OLFM1: variants seen among roughly 807,000 people sequenced by gnomAD.
OLFM1 encodes noelin.
Under a neutral mutation model 49.7 loss-of-function variants are expected in OLFM1, and 9 were observed. The ratio of observed to expected loss-of-function variants is 0.18; its 90% CI spans 0.11 to 0.32. OLFM1 has a LOEUF of 0.32. OLFM1 is among the 10% of genes least tolerant of loss of function. OLFM1 has a pLI of 1.00. For synonymous variants in OLFM1, 240 were observed against 271.8 expected (o/e 0.88, Z 1.15); for missense variants, 369 against 661.8 (o/e 0.56, Z 4.85).
chr9:135,098,066 A>T lies in OLFM1; in HGVS notation c.457-220A>T. On this transcript the variant is annotated intron_variant, in intron 3 of 5. Transcript: ENST00000371793. This position sits in a 1 kb window ranked among gnomAD's most constrained non-coding sequence, Gnocchi z 5.6. ...GTGACTCAAAGCATGTAACCTTAAG[A>T]TGTTGCATTCTAAACTGACAATAAA... is the stretch of plus-strand genomic sequence containing the variant. 2.8e-6 allele frequency: 4 copies of T among 1,429,426 alleles called. No homozygotes were observed. The highest frequency in any genetic ancestry group is 3.6e-6 in the Non-Finnish European group (4 of 1,099,418). 88.5% of individuals were successfully genotyped at this position (1,429,426 alleles called of 1,614,324 possible). A position where few individuals can be genotyped will look rare whatever the true frequency, so the allele number is the denominator to read the frequency against.
chr9:135,087,152 T>C (rs1367542138), upstream of OLFM1: 1 of 1,247,138 alleles, frequency 8.0e-7, no homozygotes, highest in Non-Finnish European at 1.1e-6. Flanking sequence ...TCTCCACCGA[T>C]GCCCCGACGC....
chr9:135,106,769 A>G lies in OLFM1; in HGVS notation c.697A>G (p.Ile233Val). The G allele has an allele frequency of 6.2e-7, 1 of 1,613,724 alleles. No individual in the cohort carries two copies. The highest frequency in any genetic ancestry group is 8.5e-7 in the Non-Finnish European group (1 of 1,179,910). The change falls in exon 5 of 6, where the codon ATC becomes GTC. Residue 233 changes from isoleucine to valine, a missense_variant. Physicochemically the swap from Ile to Val is conservative, Grantham distance 29. This residue lies in a region of OLFM1 where 294 missense variants were observed against 567.5 expected (regional missense o/e 0.52). Transcript: ENST00000371793. ...TCCAGCTTGCGGGAAGTTGACGGGC[A>G]TCAGTGACCCCGTGACTGTCAAGAC... Reference protein sequence around the residue: ...QKLACGKLTGISDPVTVKTSG... With the variant: ...QKLACGKLTGVSDPVTVKTSG...
At chr9:135,103,251 G>T (rs1008297636) in intron 4 of OLFM1, among the ~76,000 whole-genome samples, 1 of 152,240 alleles carries the variant, frequency 6.6e-6, no homozygotes, top group East Asian at 1.9e-4. Flanking sequence ...ACTGGAGAGG[G>T]ACGCTTTCCT....
chr9:135,082,218 G>T (rs1341480398), intron 1 of OLFM1, among the ~76,000 whole-genome samples: 1 of 152,144 alleles, frequency 6.6e-6, no homozygotes, highest in African/African-American at 2.4e-5. Flanking sequence ...AGAGTGTAAG[G>T]GGGAGATGGG....
intron 5 of OLFM1, among the ~76,000 whole-genome samples, chr9:135,112,126 G>A (rs1831031708): frequency 6.6e-6 from 1 of 152,192 alleles, no homozygotes; most frequent in Non-Finnish European, 1.5e-5. Flanking sequence ...AATACACCAG[G>A]TTTCAGCTCA....
intron 1 of OLFM1, 45 bp from the exon 2 acceptor site, chr9:135,090,150 C>T: frequency 6.4e-7 from 1 of 1,554,498 alleles, no homozygotes; most frequent in Non-Finnish European, 8.8e-7. Context: ...CTCATGGTCT[C>T]CCTTTCTCTC....
chr9:135,090,002 C>G (rs540919671), intron 1 of OLFM1, among the ~76,000 whole-genome samples, 193 bp from the exon 2 acceptor site: 1 of 152,342 alleles, frequency 6.6e-6, no homozygotes, highest in South Asian at 2.1e-4. Context: ...AGCCCCCTAA[C>G]AGGAGACCTG....
At chr9:135,107,116 C>T (rs1194197111) in intron 5 of OLFM1, among the ~76,000 whole-genome samples, 3 of 152,036 alleles carry the variant, frequency 2.0e-5, no homozygotes, top group Non-Finnish European at 4.4e-5. Context: ...CCTTCAAGGC[C>T]TCCTCCCCGG....
intron 2 of OLFM1, among the ~76,000 whole-genome samples, chr9:135,093,642 G>A (rs1830745158): frequency 6.6e-6 from 1 of 152,170 alleles, no homozygotes; most frequent in African/African-American, 2.4e-5. Context: ...GTGTGGGATA[G>A]ACTGTCATCC....
chr9:135,075,911 G>C, intron 1 of OLFM1: 1 of 1,416,924 alleles, frequency 7.1e-7, no homozygotes, highest in Non-Finnish European at 9.2e-7. Flanking sequence ...CCGCGCCCCC[G>C]GCCTGGGCGC....
At chr9:135,108,639 A>G (rs1310416211) in intron 5 of OLFM1, among the ~76,000 whole-genome samples, 1 of 152,000 alleles carries the variant, frequency 6.6e-6, no homozygotes, top group Non-Finnish European at 1.5e-5. Context: ...TCTCAAAAAA[A>G]AAAAAACAAA....
At chr9:135,076,388 A>T in intron 1 of OLFM1, 1 of 1,509,428 alleles carries the variant, frequency 6.6e-7, no homozygotes, top group South Asian at 1.3e-5. Flanking sequence ...CATGCCCGGC[A>T]GGAGGTGAGT....
Position 135,090,275 on chromosome 9 carries a change from G to T in OLFM1, c.231G>T (p.Val77=), listed in dbSNP as rs747172581. The T allele has an allele frequency of 6.8e-6, 11 of 1,614,120 alleles. No individual in the cohort carries two copies. Among genetic ancestry groups the T allele is most frequent in the South Asian group, 1.1e-5 (1 of 91,072 alleles). The change falls in exon 2 of 6, where the codon GTG becomes GTT. Residue 77 remains valine (V), a synonymous_variant. Transcript: ENST00000371793. ...QDSEGRCICT[V]VAPQQTMCSR... is the part of the protein sequence containing the mutation. ...GCGAGGGCAGGTGTATCTGCACAGT[G>T]GTCGCTCCACAGCAGACCATGTGTT...
upstream of OLFM1, chr9:135,087,547 G>A: frequency 1.6e-6 from 2 of 1,222,590 alleles, no homozygotes; most frequent in Non-Finnish European, 2.2e-6. Flanking sequence ...AGCAGCCAGG[G>A]GGCGGCGGGG....
At chr9:135,096,835 CCT>C (rs1830805376) in intron 3 of OLFM1, among the ~76,000 whole-genome samples, 1 of 152,194 alleles carries the variant, frequency 6.6e-6, no homozygotes, top group Admixed American at 6.5e-5. Context: ...GAGATGCCAG[CCT>C]CCTTTCCACC....
intron 4 of OLFM1, among the ~76,000 whole-genome samples, chr9:135,099,103 A>G (rs1830837532): frequency 6.6e-6 from 1 of 152,164 alleles, no homozygotes; most frequent in Non-Finnish European, 1.5e-5. Context: ...TTTCTGATTG[A>G]TTACCCATTC....
intron 4 of OLFM1, chr9:135,105,555 TC>T (rs1245191196): frequency 6.6e-6 from 1 of 152,176 alleles, no homozygotes; most frequent in African/African-American, 2.4e-5. Flanking sequence ...CCAGGCCGCG[TC>T]CTCCCGGGGG....
At chr9:135,111,814 A>G (rs1008871033) in intron 5 of OLFM1, among the ~76,000 whole-genome samples, 2 of 152,118 alleles carry the variant, frequency 1.3e-5, no homozygotes, top group African/African-American at 4.8e-5. Context: ...AATTGAAGCA[A>G]TTCCCAGGCC....
In OLFM1 at chr9:135,088,603, A is replaced by T. The variant is rs939544518; in HGVS notation, c.150+464A>T. 5.3e-4 allele frequency among the ~76,000 whole-genome samples: 80 copies of T among 151,776 alleles called. No individual in the cohort carries two copies. Among genetic ancestry groups the T allele is most frequent in the Non-Finnish European group, 2.1e-4 (14 of 67,890 alleles). On this transcript the variant is annotated intron_variant, in intron 1 of 5. Transcript: ENST00000371793. The surrounding 1 kb of genome is among the most constrained non-coding windows in gnomAD (Gnocchi z 4.8). ...GGGGACTGAGCCCGCCCTAGTTTGT[A>T]AAAGCCAGACTGGCCGGACCGGGCT...
Sources: allele counts gnomAD v4.1 joint callset (sites outside exome capture counted in the v4.1 genomes callset), GRCh38; gene constraint gnomAD v4.1.1; regional missense constraint gnomAD v4.1.1; non-coding constraint Gnocchi (gnomAD v3.1); transcripts MANE v1.5; gene names NCBI Gene and HGNC (gene_info 2026-07-23, HGNC 2026-07-21).